Variants in GDNF observed in about 807,000 individuals in gnomAD.
The protein encoded by GDNF is glial cell derived neurotrophic factor, also known as glial cell line-derived neurotrophic factor.
Under a neutral mutation model 13.7 loss-of-function variants are expected in GDNF, and 5 were observed. The ratio of observed to expected loss-of-function variants is 0.36; its 90% CI spans 0.19 to 0.77. GDNF has a LOEUF of 0.77. Ranked by LOEUF, GDNF falls within the 30% of genes least tolerant of loss-of-function variation. The pLI, the probability that GDNF is intolerant of heterozygous loss-of-function variation, is 0.51. For synonymous variants in GDNF, 122 were observed against 112.5 expected, an observed-to-expected ratio of 1.08 and a Z score of -0.53; for missense variants, 246 against 274.3, an observed-to-expected ratio of 0.90 and a Z score of 0.73.
chr5:37,820,207 T>A (rs1750083876), intron 2 of GDNF, among the ~76,000 whole-genome samples: 1 of 152,196 alleles, frequency 6.6e-6, no homozygotes, highest in African/African-American at 2.4e-5. Flanking sequence ...GGTAAAACAT[T>A]ACTAAAATTT....
chr5:37,820,194 G>A (rs1328091566), intron 2 of GDNF, among the ~76,000 whole-genome samples: 3 of 152,170 alleles, frequency 2.0e-5, no homozygotes, highest in Non-Finnish European at 4.4e-5. Context: ...AATCAGAAAT[G>A]AGGGTAAAAC....
chr5:37,830,694 T>A (rs1421691537), intron 2 of GDNF, among the ~76,000 whole-genome samples: 1 of 152,226 alleles, frequency 6.6e-6, no homozygotes, highest in Admixed American at 6.5e-5. Context: ...TCCCTATTTA[T>A]GGAGCAGAGG....
At chr5:37,825,187 G>C (rs1477866101) in intron 2 of GDNF, among the ~76,000 whole-genome samples, 3 of 152,132 alleles carry the variant, frequency 2.0e-5, no homozygotes, top group African/African-American at 7.2e-5. Context: ...AAGCAAATTT[G>C]TAATAAATGG....
chr5:37,837,440 A>G lies in GDNF; in HGVS notation c.-27+2067T>C, dbSNP rs1328017944. Among the ~76,000 whole-genome samples the G allele has an allele frequency of 2.5e-4, 38 of 152,006 alleles. No individual in the cohort carries two copies. The highest frequency in any genetic ancestry group is 2.0e-3 in the Admixed American group (31 of 15,284). ...CACGTCCCGGCAGGGCAAAAGCAGCAGGCCGTGGGCGCCGGCACCTGTGGG... is the reference window on the plus strand; with the variant it reads ...CACGTCCCGGCAGGGCAAAAGCAGCGGGCCGTGGGCGCCGGCACCTGTGGG... On this transcript the variant is annotated intron_variant, in intron 1 of 2. Transcript: ENST00000326524. The surrounding 1 kb of genome is among the most constrained non-coding windows in gnomAD (Gnocchi z 6.5).
At chr5:37,819,240 TACTCAGAAAAGCC>T (rs918251651) in intron 2 of GDNF, among the ~76,000 whole-genome samples, 31 of 152,192 alleles carry the variant, frequency 2.0e-4, no homozygotes, top group Middle Eastern at 6.8e-3. Context: ...CAGCCCACAT[TACTCAGAAAAGCC>T]ACTCTGCCCT....
intron 1 of GDNF, among the ~76,000 whole-genome samples, chr5:37,836,866 A>G (rs1334419213): frequency 2.6e-5 from 4 of 152,116 alleles, no homozygotes; most frequent in Admixed American, 2.6e-4. Context: ...TTTAAATTGG[A>G]CGTGGAGATC....
chr5:37,832,812 C>G (rs933946871), intron 2 of GDNF, among the ~76,000 whole-genome samples: 1 of 152,234 alleles, frequency 6.6e-6, no homozygotes, highest in Non-Finnish European at 1.5e-5. Context: ...GCCTGGGCCA[C>G]ACCCCAAACC....
At chr5:37,836,770 G>C (rs1178531667) in intron 1 of GDNF, among the ~76,000 whole-genome samples, 1 of 152,244 alleles carries the variant, frequency 6.6e-6, no homozygotes, top group African/African-American at 2.4e-5. Context: ...CGCGGTGCCC[G>C]CCAGCAGGAA....
intron 2 of GDNF, among the ~76,000 whole-genome samples, chr5:37,821,339 C>T (rs1484578181): frequency 4.6e-5 from 7 of 152,142 alleles, no homozygotes; most frequent in Non-Finnish European, 1.0e-4. Context: ...GCATCTCTGT[C>T]TTCATCCTTT....
At chr5:37,818,796 C>T (rs186156617) in intron 2 of GDNF, among the ~76,000 whole-genome samples, 1 of 152,258 alleles carries the variant, frequency 6.6e-6, no homozygotes, top group African/African-American at 2.4e-5. Context: ...GATTAAATGT[C>T]TCCCACCCTG....
In GDNF at chr5:37,835,294, G is replaced by A. The variant is rs182617366; in HGVS notation, c.-26-472C>T. 1.5e-5 allele frequency: 7 copies of A among 458,218 alleles called. No individual in the cohort carries two copies. The East Asian group carries it at 3.3e-4, about 21-fold the overall frequency. 28.4% of individuals were successfully genotyped at this position (458,218 alleles called of 1,614,324 possible). ...TGAACGAGCCCTCGGCCCAAGCAAG[G>A]ACGGTGTTTCTCTTTGGAAATAAAA... On this transcript the variant is annotated intron_variant, in intron 1 of 2. Coordinates refer to ENST00000326524, the MANE Select transcript of GDNF (RefSeq NM_000514.4).
At position 37,839,667 on chromosome 5, in the gene GDNF, C is replaced by A. The variant is rs1750826093; in HGVS notation, c.-187G>T. 6.6e-6 allele frequency: 1 copy of A among 152,140 alleles called. No homozygotes were observed. Among genetic ancestry groups the A allele is most frequent in the Non-Finnish European group, 1.5e-5 (1 of 68,084 alleles). 9.4% of individuals were successfully genotyped at this position (152,140 alleles called of 1,614,324 possible). On this transcript the variant is annotated 5_prime_UTR_variant, in exon 1 of 3. Transcript: ENST00000326524. The surrounding 1 kb of genome is among the most constrained non-coding windows in gnomAD (Gnocchi z 5.5). ...CTGGGGTCGCGCGGGGCAGCAAGGG[C>A]GCGCTGGAGGCGGCGGCCAAGACTC...
rs1750771976 is a variant in GDNF at position 37,838,032 on chromosome 5, C to T, written c.-27+1475G>A. 7.2e-6 allele frequency among the ~76,000 whole-genome samples: 1 copy of T among 139,060 alleles called. No individual in the cohort carries two copies. Among genetic ancestry groups the T allele is most frequent in the Non-Finnish European group, 1.5e-5 (1 of 65,968 alleles). The allele number at this position is 139,060 out of a possible 152,430, so 91.2% of individuals were successfully genotyped here. On this transcript the variant is annotated intron_variant, in intron 1 of 2. Transcript: ENST00000326524. The surrounding 1 kb of genome is among the most constrained non-coding windows in gnomAD (Gnocchi z 4.1). ...TTTTTTTGGCGGGGGGAGGTAGAGA[C>T]AGAAATTGCTGGAAGATCTATTGCT... is the stretch of plus-strand genomic sequence containing the variant.
intron 2 of GDNF, among the ~76,000 whole-genome samples, chr5:37,816,794 C>T (rs562308339): frequency 1.3e-4 from 20 of 152,180 alleles, no homozygotes; most frequent in Non-Finnish European, 2.6e-4. Flanking sequence ...TTCTGTGTGG[C>T]TGAGTGGGAC....
Position 37,812,901 on chromosome 5 carries a change from T to C in GDNF, c.*2750A>G, listed in dbSNP as rs1039375937. The C allele has an allele frequency of 1.1e-4, 16 of 152,194 alleles. No homozygotes were observed. Among genetic ancestry groups the C allele is most frequent in the African/African-American group, 3.9e-4 (16 of 41,434 alleles). The allele number at this position is 152,194 out of a possible 1,614,324, so 9.4% of individuals were successfully genotyped here. A position where few individuals can be genotyped will look rare whatever the true frequency, so the allele number is the denominator to read the frequency against. On this transcript the variant is annotated 3_prime_UTR_variant, in exon 3 of 3. Transcript: ENST00000326524. ...GATTTGGTGGAGCAACTTGCTTCCATTAAAACCTGCTTGTGGTGTGTAGGT... is the reference window on the plus strand; with the variant it reads ...GATTTGGTGGAGCAACTTGCTTCCACTAAAACCTGCTTGTGGTGTGTAGGT...
chr5:37,818,598 G>A (rs1430262104), intron 2 of GDNF, among the ~76,000 whole-genome samples: 2 of 152,142 alleles, frequency 1.3e-5, no homozygotes, highest in Non-Finnish European at 2.9e-5. Flanking sequence ...CCCCATCCTA[G>A]TCATGACAGA....
intron 2 of GDNF, chr5:37,824,379 C>G (rs1047078797): frequency 2.0e-5 from 3 of 152,208 alleles, no homozygotes; most frequent in East Asian, 1.9e-4. Context: ...GACTCCAAGG[C>G]TAGAATTGCC....
rs1750805082 is a variant in GDNF at position 37,839,005 on chromosome 5, G to A, written c.-27+502C>T. On this transcript the variant is annotated intron_variant, in intron 1 of 2. Coordinates refer to ENST00000326524, the MANE Select transcript of GDNF (RefSeq NM_000514.4). This position sits in a 1 kb window ranked among gnomAD's most constrained non-coding sequence, Gnocchi z 5.5. ...GGAGGAGGTGAGCCCTCCATTTTTA[G>A]GTTCTCAGCACCTTTGCAGCAGCCC... is the stretch of plus-strand genomic sequence containing the variant. Among the ~76,000 whole-genome samples, 1 of 152,140 alleles carries A rather than the reference G, an allele frequency of 6.6e-6. No individual in the cohort carries two copies. Among genetic ancestry groups the A allele is most frequent in the Non-Finnish European group, 1.5e-5 (1 of 68,018 alleles).
chr5:37,835,804 T>G lies in GDNF; in HGVS notation c.-26-982A>C, dbSNP rs1041000229. 3.4e-5 allele frequency: 25 copies of G among 728,722 alleles called. No individual in the cohort carries two copies. The African/African-American group carries it at 3.5e-4, about 10-fold the overall frequency. The allele number at this position is 728,722 out of a possible 1,614,324, so 45.1% of individuals were successfully genotyped here. A position where few individuals can be genotyped will look rare whatever the true frequency, so the allele number is the denominator to read the frequency against. ...CGCGCCCCCGTCACGCCTGGACGACTGTACCCAGTCTCGGACGCTTTGGAG... is the reference window on the plus strand; with the variant it reads ...CGCGCCCCCGTCACGCCTGGACGACGGTACCCAGTCTCGGACGCTTTGGAG... On this transcript the variant is annotated intron_variant, in intron 1 of 2. Coordinates refer to ENST00000326524, the MANE Select transcript of GDNF (RefSeq NM_000514.4).
Sources: allele counts gnomAD v4.1 joint callset (sites outside exome capture counted in the v4.1 genomes callset), GRCh38; gene constraint gnomAD v4.1.1; non-coding constraint Gnocchi (gnomAD v3.1); transcripts MANE v1.5; gene names NCBI Gene and HGNC (gene_info 2026-07-23, HGNC 2026-07-21).